The following IL6ST variants were observed in gnomAD, a reference collection of about 807,000 sequenced individuals.
IL6ST encodes the protein interleukin 6 cytokine family signal transducer, also known as interleukin-6 receptor subunit beta.
IL6ST carries 24 observed loss-of-function variants against 91.3 expected under a neutral mutation model. That is an observed-to-expected ratio of 0.26 (90% CI 0.19 to 0.37). The LOEUF is 0.37. IL6ST is among the 10% of genes least tolerant of loss of function. The pLI is 1.00. For synonymous variants in IL6ST, 351 were observed against 373.6 expected (o/e 0.94, Z 0.70); for missense variants, 914 against 1,078.5 (o/e 0.85, Z 2.14).
At chr5:55,954,261 G>GT (rs1024798537) in intron 11 of IL6ST, among the ~76,000 whole-genome samples, 1 of 152,126 alleles carries the variant, frequency 6.6e-6, no homozygotes, top group South Asian at 2.1e-4. Flanking sequence ...TATAAACTGA[G>GT]TTTTTTTCTC....
At chr5:55,964,488 T>C (rs1752525707) in intron 5 of IL6ST, among the ~76,000 whole-genome samples, 176 bp from the exon 6 acceptor site, 1 of 152,232 alleles carries the variant, frequency 6.6e-6, no homozygotes, top group Non-Finnish European at 1.5e-5. Flanking sequence ...AAATTAACTT[T>C]GATCTATATC....
At chr5:55,960,760 G>C (rs867772548) in intron 7 of IL6ST, among the ~76,000 whole-genome samples, 199 bp from the exon 8 acceptor site, 12 of 147,364 alleles carry the variant, frequency 8.1e-5, no homozygotes, top group Admixed American at 6.1e-4. Flanking sequence ...CTCCTGAGTG[G>C]CTGGGATTAC....
intron 15 of IL6ST, chr5:55,944,633 A>G: frequency 1.2e-6 from 1 of 818,100 alleles, no homozygotes; most frequent in East Asian, 3.0e-5. Context: ...CCTTAGCGCC[A>G]TTTTTTTGGA....
In IL6ST at chr5:55,955,428, C is replaced by CAG. The variant is rs541904922; in HGVS notation, c.1268-438_1268-437dup. 3.6e-3 allele frequency among the ~76,000 whole-genome samples: 555 copies of CAG among 152,142 alleles called. 16 individuals carry two copies. Among genetic ancestry groups the CAG allele is most frequent in the Admixed American group, 0.035 (537 of 15,274 alleles). ...TGCCATTGCACTCCAGCCTAGGCGACAGAGCAAGACTGTCTCAAAAAGAAA... is the reference window on the plus strand; with the variant it reads ...TGCCATTGCACTCCAGCCTAGGCGACAGAGAGCAAGACTGTCTCAAAAAGAAA... On this transcript the variant is annotated intron_variant, in intron 10 of 16. Coordinates refer to ENST00000381298, the MANE Select transcript of IL6ST (RefSeq NM_002184.4).
At chr5:55,957,432 CCA>C in intron 8 of IL6ST, 141 bp from the exon 9 acceptor site, 1 of 474,106 alleles carries the variant, frequency 2.1e-6, no homozygotes. Flanking sequence ...CAGCATTTTC[CCA>C]ACCCAGCACA....
Position 55,993,281 on chromosome 5 carries a change from G to C in IL6ST, c.-104+1503C>G, listed in dbSNP as rs184400319. ...GAGAAACGTGTCAACATGACAAAAT[G>C]ATTCAGAGCACAGGATTTGGAGTCA... On this transcript the variant is annotated intron_variant, in intron 1 of 16. Transcript: ENST00000381298. Among the ~76,000 whole-genome samples, 168 of 152,300 alleles carry C rather than the reference G, an allele frequency of 1.1e-3. 1 individual carries two copies. Among genetic ancestry groups the C allele is most frequent in the Non-Finnish European group, 1.8e-3 (123 of 68,022 alleles).
intron 1 of IL6ST, among the ~76,000 whole-genome samples, chr5:55,993,913 T>C (rs1754480890): frequency 6.6e-6 from 1 of 152,166 alleles, no homozygotes; most frequent in South Asian, 2.1e-4. Flanking sequence ...AAGGGTTTGT[T>C]TACAGCACTG....
At chr5:55,955,572 T>C (rs1398397106) in intron 10 of IL6ST, among the ~76,000 whole-genome samples, 1 of 152,246 alleles carries the variant, frequency 6.6e-6, no homozygotes, top group African/African-American at 2.4e-5. Context: ...GTATACAAAG[T>C]TCTCAAAATC....
chr5:55,993,326 G>A (rs892802634), intron 1 of IL6ST, among the ~76,000 whole-genome samples: 1 of 152,196 alleles, frequency 6.6e-6, no homozygotes, highest in East Asian at 1.9e-4. Context: ...AGTTTTCAGC[G>A]AGACTCCTGT....
intron 3 of IL6ST, among the ~76,000 whole-genome samples, chr5:55,971,918 T>C (rs1393139920): frequency 1.3e-5 from 2 of 152,248 alleles, no homozygotes; most frequent in African/African-American, 4.8e-5. Flanking sequence ...GGTCTGTTTA[T>C]ATCATCTTGC....
At chr5:55,960,188 T>C (rs1252264524) in intron 8 of IL6ST, among the ~76,000 whole-genome samples, 1 of 152,036 alleles carries the variant, frequency 6.6e-6, no homozygotes, top group African/African-American at 2.4e-5. Flanking sequence ...CTGGCCTCCA[T>C]GATAATTTAA....
At chr5:55,988,876 C>T (rs1052195459) in intron 1 of IL6ST, among the ~76,000 whole-genome samples, 7 of 151,068 alleles carry the variant, frequency 4.6e-5, no homozygotes, top group African/African-American at 9.8e-5. Flanking sequence ...TTTGGGAGGC[C>T]GAGGTAGGTA....
intron 1 of IL6ST, among the ~76,000 whole-genome samples, chr5:55,992,896 T>C (rs989158988): frequency 6.6e-5 from 10 of 152,244 alleles, no homozygotes; most frequent in Admixed American, 2.6e-4. Flanking sequence ...TTTTTTCGTA[T>C]AAGTTTGTCA....
rs755978150 is a variant in IL6ST, at chr5:55,941,779, T to C, written c.2060A>G (p.Asn687Ser). The C allele has an allele frequency of 4.3e-6, 7 of 1,613,266 alleles. No individual in the cohort carries two copies. Among genetic ancestry groups the C allele is most frequent in the African/African-American group, 2.7e-5 (2 of 74,868 alleles). ...TTCCACAACACTTACATCAGTGAAA[T>C]TGCCATCTGAATACATTTGATCTTT... is the stretch of plus-strand genomic sequence containing the variant. ...NSKDQMYSDG[N>S]FTDVSVVEIE... The change falls in exon 17 of 17, where the codon AAT becomes AGT. Residue 687 changes from asparagine (N) to serine (S), a missense_variant. By Grantham distance (46) the Asn-to-Ser change is conservative. Coordinates refer to ENST00000381298, the MANE Select transcript of IL6ST (RefSeq NM_002184.4).
rs1019194576 is a variant in IL6ST at position 55,964,541 on chromosome 5, T to A, written c.492-229A>T. On this transcript the variant is annotated intron_variant, in intron 5 of 16. Transcript: ENST00000381298. ...TTTCAAATTTGTAGTCTAAAAATAT[T>A]GTGCTTTAAAATTTTATGCTCCATC... Among the ~76,000 whole-genome samples, 4 of 152,208 alleles carry A rather than the reference T, an allele frequency of 2.6e-5. No homozygotes were observed. The East Asian group carries it at 7.7e-4, about 29-fold the overall frequency.
intron 6 of IL6ST, 111 bp from the exon 7 acceptor site, chr5:55,963,617 C>G: frequency 1.3e-6 from 1 of 784,076 alleles, no homozygotes; most frequent in Non-Finnish European, 2.0e-6. Context: ...TTATCCTTAC[C>G]AAATGAACTA....
At chr5:55,952,697 G>A (rs1018146523) in intron 11 of IL6ST, among the ~76,000 whole-genome samples, 1 of 152,144 alleles carries the variant, frequency 6.6e-6, no homozygotes, top group Non-Finnish European at 1.5e-5. Context: ...GGAGCAAGAC[G>A]ACTAAAGCAG....
intron 5 of IL6ST, among the ~76,000 whole-genome samples, chr5:55,966,479 C>CT (rs1752637173): frequency 6.6e-6 from 1 of 152,084 alleles, no homozygotes; most frequent in Non-Finnish European, 1.5e-5. Context: ...GAATGATACA[C>CT]TAAGATTTGT....
rs772445953 is a variant in IL6ST at position 55,941,091 on chromosome 5, C to T, written c.2748G>A (p.Met916Ile). 1 of 1,610,248 alleles carries T rather than the reference C, an allele frequency of 6.2e-7. No individual in the cohort carries two copies. Among genetic ancestry groups the T allele is most frequent in the Non-Finnish European group, 8.5e-7 (1 of 1,177,656 alleles). ...AGGAACTACTAGTCCTTCACTGAGG[C>T]ATGTAGCCGCCTTGCCGTACAGTCT... is the stretch of plus-strand genomic sequence containing the variant. ...LPQTVRQGGY[M>I]PQ is the part of the protein sequence containing the mutation. The change falls in exon 17 of 17, where the codon ATG becomes ATA. Residue 916 changes from methionine (M) to isoleucine (I), a missense_variant. Transcript: ENST00000381298.
Sources: gnomAD v4.1 joint callset for allele counts (sites outside exome capture counted in the v4.1 genomes callset) on GRCh38, gnomAD v4.1.1 for gene constraint, MANE v1.5 for transcripts, NCBI Gene and HGNC (gene_info 2026-07-23, HGNC 2026-07-21) for gene names.